Variants in FOXP2 observed in about 807,000 individuals in gnomAD.
FOXP2 encodes forkhead box P2.
In FOXP2, 12 loss-of-function variants were observed where a neutral mutation model predicts 115.8. The ratio of observed to expected loss-of-function variants is 0.10; its 90% CI spans 0.07 to 0.17. The LOEUF is 0.17. FOXP2 is among the 10% of genes least tolerant of loss of function. The probability of loss-of-function intolerance (pLI) is 1.00; values close to 1 mark genes in which losing one functional copy is unlikely to be tolerated. For missense variants in FOXP2, 629 were observed against 843.5 expected (o/e 0.75, Z 3.15); for synonymous variants, 328 against 297.7 (o/e 1.10, Z -1.05).
intron 3 of FOXP2, among the ~76,000 whole-genome samples, chr7:114,553,655 A>G (rs994847053): frequency 6.6e-6 from 1 of 152,174 alleles, no homozygotes; most frequent in East Asian, 1.9e-4. Context: ...AAGTATATGA[A>G]CTAGAAGAAT....
intron 2 of FOXP2, among the ~76,000 whole-genome samples, chr7:114,385,458 T>C (rs910263603): frequency 6.6e-6 from 1 of 152,158 alleles, no homozygotes; most frequent in African/African-American, 2.4e-5. Context: ...TGCCATGATC[T>C]CAGCCGGCTA....
chr7:114,328,958 A>C (rs1374035891), intron 2 of FOXP2, among the ~76,000 whole-genome samples: 1 of 152,196 alleles, frequency 6.6e-6, no homozygotes, highest in Non-Finnish European at 1.5e-5. Flanking sequence ...ATGAAATAGA[A>C]GGAAGAGACG....
rs779632352 is a variant in FOXP2, at chr7:114,426,653, G to A, written c.142G>A (p.Glu48Lys). 8.1e-6 allele frequency: 13 copies of A among 1,611,248 alleles called. No homozygotes were observed. Among genetic ancestry groups the A allele is most frequent in the Non-Finnish European group, 1.1e-5 (13 of 1,178,136 alleles). The part of the protein sequence containing the change: ...GDTSSEVSTV[E>K]LLHLQQQQAL... ...CACCAGCTCTGAAGTAAGCACAGTA[G>A]AACTGCTGCATCTGCAACAACAGCA... The change falls in exon 2 of 17, where the codon GAA (glutamate) becomes AAA (lysine). Residue 48 changes from glutamate (E) to lysine (K), a missense_variant. By Grantham distance (56) the Glu-to-Lys change is moderately conservative. Transcript: ENST00000350908.
chr7:114,568,037 A>T (rs548348164), intron 3 of FOXP2, among the ~76,000 whole-genome samples: 1 of 152,192 alleles, frequency 6.6e-6, no homozygotes, highest in South Asian at 2.1e-4. Flanking sequence ...TCTTCAGTAA[A>T]GTTTAGATTA....
chr7:114,154,961 G>A (rs555136058), intron 1 of FOXP2, among the ~76,000 whole-genome samples: 20 of 152,126 alleles, frequency 1.3e-4, no homozygotes, highest in South Asian at 4.1e-4. Context: ...GACAATCTAC[G>A]TTATGTCAGG....
chr7:114,526,475 CA>C (rs572915238), intron 2 of FOXP2, among the ~76,000 whole-genome samples: 38 of 69,066 alleles, frequency 5.5e-4, no homozygotes, highest in South Asian at 5.0e-3. Context: ...GACTCTGTCT[CA>C]AAAAAAAAAA....
At chr7:114,407,169 T>G (rs2129197871) in intron 2 of FOXP2, among the ~76,000 whole-genome samples, 1 of 152,152 alleles carries the variant, frequency 6.6e-6, no homozygotes, top group South Asian at 2.1e-4. Context: ...GTGTGAAAAG[T>G]TGACATTTGT....
intron 2 of FOXP2, among the ~76,000 whole-genome samples, chr7:114,365,260 A>AT (rs1487844733): frequency 6.6e-6 from 1 of 152,034 alleles, no homozygotes; most frequent in Non-Finnish European, 1.5e-5. Context: ...TATACATTCT[A>AT]TTTTTTTAAA....
chr7:114,679,991 A>G (rs1179272821), intron 16 of FOXP2, among the ~76,000 whole-genome samples: 1 of 151,594 alleles, frequency 6.6e-6, no homozygotes, highest in African/African-American at 2.4e-5. Context: ...TATTGACTGG[A>G]TTTTTTTTTC....
chr7:114,337,472 A>C (rs1360637260), intron 2 of FOXP2, among the ~76,000 whole-genome samples: 1 of 151,278 alleles, frequency 6.6e-6, no homozygotes, highest in Non-Finnish European at 1.5e-5. Flanking sequence ...ATGCTGTAAT[A>C]GTCATCTTAC....
upstream of FOXP2, among the ~76,000 whole-genome samples, chr7:114,413,276 T>A (rs118108522): frequency 3.3e-5 from 5 of 152,070 alleles, no homozygotes; most frequent in African/African-American, 7.2e-5. Context: ...GGAGAAAAAA[T>A]TTTTAAATGA....
intron 3 of FOXP2, among the ~76,000 whole-genome samples, chr7:114,603,686 C>T (rs1375587229): frequency 6.6e-6 from 1 of 151,900 alleles, no homozygotes; most frequent in Non-Finnish European, 1.5e-5. Flanking sequence ...GAATGATTGC[C>T]CTGTGGCTAG....
At chr7:114,673,804 A>G (rs988231798) in intron 16 of FOXP2, among the ~76,000 whole-genome samples, 4 of 152,108 alleles carry the variant, frequency 2.6e-5, no homozygotes, top group Non-Finnish European at 4.4e-5. Context: ...GGTTCAAGCA[A>G]TTCTCCTGTC....
intron 1 of FOXP2, among the ~76,000 whole-genome samples, chr7:114,171,280 A>G (rs566619943): frequency 1.3e-5 from 2 of 152,206 alleles, no homozygotes; most frequent in Admixed American, 1.3e-4. Flanking sequence ...CTGCTCATTA[A>G]TAATGTACCT....
At chr7:114,476,736 T>C (rs1259222121) in intron 2 of FOXP2, among the ~76,000 whole-genome samples, 1 of 152,076 alleles carries the variant, frequency 6.6e-6, no homozygotes, top group Non-Finnish European at 1.5e-5. Flanking sequence ...GGATATCAAT[T>C]CTCCCAAACT....
At chr7:114,669,111 AAAGTGGCTT>A (rs1436731554) in intron 16 of FOXP2, 2 of 152,018 alleles carry the variant, frequency 1.3e-5, no homozygotes, top group Non-Finnish European at 2.9e-5. Context: ...ACGTGAGTAA[AAAGTGGCTT>A]TCCACTTTGA....
At chr7:114,599,023 T>G (rs981751769) in intron 3 of FOXP2, among the ~76,000 whole-genome samples, 3 of 152,194 alleles carry the variant, frequency 2.0e-5, no homozygotes, top group Admixed American at 1.3e-4. Flanking sequence ...CGTTTATTCA[T>G]GAATAAAGAT....
intron 1 of FOXP2, among the ~76,000 whole-genome samples, chr7:114,231,156 TA>T (rs1794865895): frequency 6.6e-6 from 1 of 152,008 alleles, no homozygotes; most frequent in Non-Finnish European, 1.5e-5. Flanking sequence ...TCTAAAAGTA[TA>T]AAATACTCAT....
intron 2 of FOXP2, among the ~76,000 whole-genome samples, chr7:114,396,961 C>A (rs1792760777): frequency 6.6e-6 from 1 of 151,940 alleles, no homozygotes; most frequent in South Asian, 2.1e-4. Context: ...TATGAAATTA[C>A]ATCTATGTAA....
Sources: allele counts gnomAD v4.1 joint callset (sites outside exome capture counted in the v4.1 genomes callset), GRCh38; gene constraint gnomAD v4.1.1; transcripts MANE v1.5; gene names NCBI Gene and HGNC (gene_info 2026-07-23, HGNC 2026-07-21).